TG: variants seen among roughly 807,000 people sequenced by gnomAD.
The protein encoded by TG is thyroid hormones.
A neutral mutation model predicts 324.7 loss-of-function variants in TG; 270 were observed. The ratio of observed to expected loss-of-function variants is 0.83; its 90% CI spans 0.75 to 0.92. TG has a LOEUF of 0.92. Among genes scored for constraint, TG ranks in the 40% least tolerant of loss-of-function variants. The probability of loss-of-function intolerance (pLI) is 0.00; values close to 1 mark genes in which losing one functional copy is unlikely to be tolerated. For synonymous variants in TG, 1,401 were observed against 1,327.0 expected (o/e 1.06, Z -1.21); for missense variants, 3,591 against 3,456.4 (o/e 1.04, Z -0.98).
chr8:133,093,281 C>T (rs1394941623), intron 41 of TG, among the ~76,000 whole-genome samples: 1 of 152,136 alleles, frequency 6.6e-6, no homozygotes, highest in African/African-American at 2.4e-5. Flanking sequence ...TCATTGAATT[C>T]CAGGCCTTGG....
At chr8:132,994,942 T>A (rs990333279) in intron 35 of TG, 57 of 1,088,320 alleles carry the variant, frequency 5.2e-5, no homozygotes, top group Non-Finnish European at 6.2e-5. Context: ...TCTCTTGTTG[T>A]GAGAGGGGTT....
At chr8:132,955,482 G>T (rs1363618334) in intron 27 of TG, among the ~76,000 whole-genome samples, 1 of 152,176 alleles carries the variant, frequency 6.6e-6, no homozygotes, top group East Asian at 1.9e-4. Context: ...TCAAGCCACG[G>T]CTCTAGGGCT....
intron 44 of TG, among the ~76,000 whole-genome samples, chr8:133,114,092 C>A (rs1413694970): frequency 6.6e-6 from 1 of 152,210 alleles, no homozygotes; most frequent in African/African-American, 2.4e-5. Context: ...CCAAAGCTCC[C>A]TCAGCTGATT....
chr8:132,915,989 A>T (rs1820235521), intron 20 of TG, among the ~76,000 whole-genome samples: 1 of 152,176 alleles, frequency 6.6e-6, no homozygotes, highest in Non-Finnish European at 1.5e-5. Context: ...TGAGTTTTTG[A>T]TATTCGTGTG....
chr8:132,887,728 G>A (rs1475181206), intron 9 of TG, among the ~76,000 whole-genome samples, 180 bp downstream of exon 9: 2 of 152,108 alleles, frequency 1.3e-5, no homozygotes, highest in Non-Finnish European at 2.9e-5. Context: ...TCAGACCTAG[G>A]AGTAAATGGG....
At chr8:132,951,067 C>T (rs1019842405) in intron 27 of TG, among the ~76,000 whole-genome samples, 4 of 151,456 alleles carry the variant, frequency 2.6e-5, no homozygotes, top group African/African-American at 4.9e-5. Flanking sequence ...CTTTCTTAAC[C>T]ACTTCTCTGT....
Position 133,045,040 on chromosome 8 carries a change from T to C in TG, c.7239+15017T>C, listed in dbSNP as rs138156935. The stretch of plus-strand genomic sequence containing the variant: ...CTGGAAGGTGAGCCTCGGGGAAATG[T>C]AGTACCAGTTGTTGGGCAGACGGAA... On this transcript the variant is annotated intron_variant, in intron 41 of 47. Transcript: ENST00000220616. The C allele has an allele frequency of 4.9e-5, 79 of 1,614,152 alleles. No individual in the cohort carries two copies. Among genetic ancestry groups the C allele is most frequent in the Non-Finnish European group, 6.1e-5 (72 of 1,179,988 alleles).
chr8:132,912,453 C>T (rs1338997558), intron 19 of TG, among the ~76,000 whole-genome samples: 1 of 152,074 alleles, frequency 6.6e-6, no homozygotes, highest in Admixed American at 6.5e-5. Flanking sequence ...GTGCACGGAT[C>T]TGCCCCAGCT....
Position 132,985,026 on chromosome 8 carries a change from T to G in TG, c.6262+1614T>G, listed in dbSNP as rs371106676. 2.0e-5 allele frequency among the ~76,000 whole-genome samples: 3 copies of G among 152,214 alleles called. No homozygotes were observed. The South Asian group carries it at 6.2e-4, about 32-fold the overall frequency. On this transcript the variant is annotated intron_variant, in intron 35 of 47. Coordinates refer to ENST00000220616, the MANE Select transcript of TG (RefSeq NM_003235.5). The stretch of plus-strand genomic sequence containing the variant: ...ACTCCCACTCCTAGTAGCCCCAAAT[T>G]TCAACTCTTCTAACTACTTTTTTTC...
chr8:133,034,881 C>T (rs1836943085), intron 41 of TG, among the ~76,000 whole-genome samples: 1 of 152,220 alleles, frequency 6.6e-6, no homozygotes, highest in South Asian at 2.1e-4. Flanking sequence ...AAGGGGCACA[C>T]TCCCTCTTTA....
intron 41 of TG, chr8:133,075,987 C>T (rs1844798125): frequency 6.6e-6 from 1 of 152,024 alleles, no homozygotes; most frequent in African/African-American, 2.4e-5. Flanking sequence ...GTAAATATTG[C>T]ATATAAAATC....
At chr8:132,939,045 CAAA>C (rs36002632) in intron 25 of TG, among the ~76,000 whole-genome samples, 8 of 67,768 alleles carry the variant, frequency 1.2e-4, no homozygotes, top group South Asian at 6.0e-4. Flanking sequence ...GCAGGAGTCT[CAAA>C]AAAAAAAAAA....
At position 132,926,981 on chromosome 8, in the gene TG, T is replaced by C. The variant is rs1397146079; in HGVS notation, c.4700-2095T>C. Among the ~76,000 whole-genome samples, 5 of 152,292 alleles carry C rather than the reference T, an allele frequency of 3.3e-5. No homozygotes were observed. In the East Asian group the frequency reaches 9.7e-4, roughly 29 times the overall value. On this transcript the variant is annotated intron_variant, in intron 22 of 47. Transcript: ENST00000220616. ...GTTTACTTGCAGAGTTAGTAAAAAA[T>C]ATTTCCACCTTGCTCACTGGAAATA...
In TG at chr8:133,012,292, A is replaced by G. The variant is rs112955012; in HGVS notation, c.6397+257A>G. Reference sequence around the variant, plus strand: ...CAGAGGAAGATCAGAAGAATGATCTAGTGGGTTAGTCTGAGGCAGGAAAGA... The same window carrying G: ...CAGAGGAAGATCAGAAGAATGATCTGGTGGGTTAGTCTGAGGCAGGAAAGA... On this transcript the variant is annotated intron_variant, in intron 36 of 47. Coordinates refer to ENST00000220616, the MANE Select transcript of TG (RefSeq NM_003235.5). Among the ~76,000 whole-genome samples, 792 of 152,298 alleles carry G rather than the reference A, an allele frequency of 5.2e-3. 9 individuals are homozygous for G. Among genetic ancestry groups the G allele is most frequent in the African/African-American group, 0.018 (742 of 41,576 alleles).
chr8:133,074,297 G>T (rs1043962329), intron 41 of TG, among the ~76,000 whole-genome samples: 1 of 152,048 alleles, frequency 6.6e-6, no homozygotes, highest in African/African-American at 2.4e-5. Context: ...TCCAAGTAGC[G>T]CTATTGCAAT....
intron 41 of TG, among the ~76,000 whole-genome samples, chr8:133,058,125 G>A (rs898251742): frequency 6.6e-6 from 1 of 152,222 alleles, no homozygotes; most frequent in African/African-American, 2.4e-5. Flanking sequence ...CCCTGTGCAT[G>A]AGGCAGATGG....
At chr8:133,087,794 G>A (rs548700882) in intron 41 of TG, 1 of 152,316 alleles carries the variant, frequency 6.6e-6, no homozygotes, top group South Asian at 2.1e-4. Flanking sequence ...GGCAGCAGGA[G>A]GTACCCTGGG....
chr8:132,867,776 G>T (rs1477722122), intron 1 of TG, among the ~76,000 whole-genome samples: 1 of 150,562 alleles, frequency 6.6e-6, no homozygotes, highest in Non-Finnish European at 1.5e-5. Flanking sequence ...GGGAATTGCG[G>T]CAGGGTGGGG....
intron 35 of TG, chr8:132,988,665 A>T: frequency 3.1e-6 from 3 of 968,420 alleles, no homozygotes; most frequent in South Asian, 9.5e-5. Context: ...AATAGTAAAT[A>T]TATATTTTCT....
Sources: allele counts gnomAD v4.1 joint callset (sites outside exome capture counted in the v4.1 genomes callset), GRCh38; gene constraint gnomAD v4.1.1; transcripts MANE v1.5; gene names NCBI Gene and HGNC (gene_info 2026-07-23, HGNC 2026-07-21).